Variants in COL24A1 observed in about 807,000 individuals in gnomAD.
COL24A1 encodes collagen alpha-1(XXIV) chain.
A neutral mutation model predicts 253.9 loss-of-function variants in COL24A1; 224 were observed. That is an observed-to-expected ratio of 0.88 (90% confidence interval 0.79 to 0.99). COL24A1 has a LOEUF of 0.99. COL24A1 is among the 50% of genes least tolerant of loss of function. The pLI is 0.00. For synonymous variants in COL24A1, 685 were observed against 673.7 expected, an observed-to-expected ratio of 1.02 and a Z score of -0.26; for missense variants, 2,131 against 2,068.5, an observed-to-expected ratio of 1.03 and a Z score of -0.59.
At chr1:85,761,372 C>CA (rs761205843) in intron 55 of COL24A1, 24 bp downstream of exon 55, 2 of 1,613,058 alleles carry the variant, frequency 1.2e-6, no homozygotes, top group African/African-American at 2.7e-5. Flanking sequence ...TAAAACAAAA[C>CA]AAAATCAAAC....
chr1:85,774,474 A>G (rs1668317342), intron 53 of COL24A1, among the ~76,000 whole-genome samples: 1 of 152,154 alleles, frequency 6.6e-6, no homozygotes, highest in African/African-American at 2.4e-5. Flanking sequence ...CCTCTAGTAG[A>G]ATTCGGCTGT....
chr1:85,926,411 A>G (rs903345804), intron 24 of COL24A1, among the ~76,000 whole-genome samples: 5 of 152,220 alleles, frequency 3.3e-5, no homozygotes, highest in African/African-American at 1.2e-4. Flanking sequence ...AAAACTTGGA[A>G]CCAACCCAAA....
At chr1:85,910,109 G>T in intron 25 of COL24A1, 106 bp from the exon 26 acceptor site, 1 of 680,262 alleles carries the variant, frequency 1.5e-6, no homozygotes, top group Non-Finnish European at 2.4e-6. Context: ...TGTCTTACAT[G>T]CATACATCAT....
intron 52 of COL24A1, among the ~76,000 whole-genome samples, chr1:85,776,963 T>A (rs1029239796): frequency 6.0e-4 from 90 of 149,504 alleles, no homozygotes; most frequent in African/African-American, 2.2e-3. Flanking sequence ...TTATTTTTTT[T>A]TTTTTGAGAA....
chr1:85,925,408 C>T (rs1366064596), intron 24 of COL24A1, among the ~76,000 whole-genome samples: 1 of 152,192 alleles, frequency 6.6e-6, no homozygotes, highest in African/African-American at 2.4e-5. Flanking sequence ...CATCACACTA[C>T]CTGACTTCAA....
chr1:86,135,396 T>G lies in COL24A1; in HGVS notation c.122-9182A>C, dbSNP rs112338614. ...TATGAATTTGATCCTGTCATTATGA[T>G]GTTAGCTGGTTATTTTGCTCATTAG... On this transcript the variant is annotated intron_variant, in intron 2 of 59. Coordinates refer to ENST00000370571, the MANE Select transcript of COL24A1 (RefSeq NM_152890.7). Among the ~76,000 whole-genome samples, 421 of 152,280 alleles carry G rather than the reference T, an allele frequency of 2.8e-3. 3 individuals carry two copies. The highest frequency in any genetic ancestry group is 9.6e-3 in the African/African-American group (400 of 41,566).
chr1:86,151,538 C>T (rs1042762258), intron 1 of COL24A1, among the ~76,000 whole-genome samples: 1 of 152,082 alleles, frequency 6.6e-6, no homozygotes, highest in African/African-American at 2.4e-5. Flanking sequence ...ACTTTGACAC[C>T]AGCAACAGTC....
At chr1:85,925,853 C>T (rs1377261444) in intron 24 of COL24A1, among the ~76,000 whole-genome samples, 3 of 152,028 alleles carry the variant, frequency 2.0e-5, no homozygotes, top group African/African-American at 7.3e-5. Context: ...AGCTTCTGCA[C>T]AGAAAAAGAA....
At chr1:86,040,183 C>A (rs368415960) in intron 12 of COL24A1, among the ~76,000 whole-genome samples, 1 of 152,016 alleles carries the variant, frequency 6.6e-6, no homozygotes, top group African/African-American at 2.4e-5. Flanking sequence ...AATAAGAGTC[C>A]CACCTTATTC....
At chr1:85,768,362 T>C (rs1165457634) in intron 53 of COL24A1, among the ~76,000 whole-genome samples, 2 of 152,134 alleles carry the variant, frequency 1.3e-5, no homozygotes, top group Non-Finnish European at 2.9e-5. Flanking sequence ...ATTTGATTTA[T>C]TCTTTAATAA....
intron 7 of COL24A1, 23 bp from the exon 8 acceptor site, chr1:86,063,782 A>C: frequency 6.7e-7 from 1 of 1,502,076 alleles, no homozygotes. Flanking sequence ...AAGTGGAGAC[A>C]TGCTATGAAA....
intron 19 of COL24A1, among the ~76,000 whole-genome samples, chr1:86,012,658 A>G (rs1016651361): frequency 2.0e-5 from 3 of 151,974 alleles, no homozygotes; most frequent in East Asian, 1.9e-4. Context: ...CCACAGTCTT[A>G]TGTTCACACA....
intron 12 of COL24A1, among the ~76,000 whole-genome samples, chr1:86,034,201 A>G (rs1698818727): frequency 6.6e-6 from 1 of 152,096 alleles, no homozygotes; most frequent in Non-Finnish European, 1.5e-5. Context: ...CATCATACAT[A>G]AAAAATCACC....
At chr1:85,888,120 T>A (rs1420612790) in intron 32 of COL24A1, among the ~76,000 whole-genome samples, 1 of 151,890 alleles carries the variant, frequency 6.6e-6, no homozygotes, top group Non-Finnish European at 1.5e-5. Context: ...ACATACAGAG[T>A]CTTTATTACC....
chr1:86,073,949 T>G (rs1455768378), intron 7 of COL24A1, among the ~76,000 whole-genome samples: 1 of 150,996 alleles, frequency 6.6e-6, no homozygotes, highest in South Asian at 2.1e-4. Context: ...CAGGCCTGCC[T>G]TACAAGGAGG....
chr1:85,850,569 T>C (rs1677642685), intron 37 of COL24A1, among the ~76,000 whole-genome samples: 1 of 152,158 alleles, frequency 6.6e-6, no homozygotes, highest in African/African-American at 2.4e-5. Flanking sequence ...GAGGACTTCT[T>C]TGAAGTTAAT....
At chr1:85,794,883 T>A (rs1670653010) in intron 47 of COL24A1, among the ~76,000 whole-genome samples, 2 of 152,158 alleles carry the variant, frequency 1.3e-5, no homozygotes, top group Admixed American at 1.3e-4. Context: ...GAGACTTCCT[T>A]TATTCTCAGA....
Position 85,766,095 on chromosome 1 carries a change from G to A in COL24A1, c.4375-4529C>T, listed in dbSNP as rs12037027. On this transcript the variant is annotated intron_variant, in intron 53 of 59. Transcript: ENST00000370571. Reference sequence around the variant, plus strand: ...ATATATATGAATAGGACTGGGTGCGGTGGCTTATGCCTCTAATCCCAGCAC... The same window carrying A: ...ATATATATGAATAGGACTGGGTGCGATGGCTTATGCCTCTAATCCCAGCAC... Among the ~76,000 whole-genome samples, 14 of 152,190 alleles carry A rather than the reference G, an allele frequency of 9.2e-5. No homozygotes were observed. The East Asian group carries it at 2.7e-3, about 29-fold the overall frequency.
chr1:85,797,870 C>A (rs1670998247), intron 47 of COL24A1, among the ~76,000 whole-genome samples: 1 of 152,062 alleles, frequency 6.6e-6, no homozygotes, highest in African/African-American at 2.4e-5. Flanking sequence ...TCAACAGAGG[C>A]TAGACCACGA....
Sources: gnomAD v4.1 joint callset for allele counts (sites outside exome capture counted in the v4.1 genomes callset) on GRCh38, gnomAD v4.1.1 for gene constraint, MANE v1.5 for transcripts, NCBI Gene and HGNC (gene_info 2026-07-23, HGNC 2026-07-21) for gene names.